Variants in APIP observed in about 807,000 individuals in gnomAD.
APIP encodes the protein methylthioribulose-1-phosphate dehydratase.
APIP carries 32 observed loss-of-function variants against 32.0 expected under a neutral mutation model. That is an observed-to-expected ratio of 1.00 (90% CI 0.76 to 1.34). The LOEUF (loss-of-function observed/expected upper bound fraction) is 1.34, where lower values mean the gene tolerates loss of function less well. APIP is among the 40% of genes most tolerant of loss of function. APIP has a pLI of 0.00. For synonymous variants in APIP, 92 were observed against 94.8 expected (o/e 0.97, Z 0.17); for missense variants, 247 against 298.6 (o/e 0.83, Z 1.27).
intron 5 of APIP, among the ~76,000 whole-genome samples, chr11:34,886,861 G>C (rs1401847912): frequency 1.3e-5 from 2 of 152,116 alleles, no homozygotes; most frequent in South Asian, 2.1e-4. Flanking sequence ...ATTTAGGTTT[G>C]TGTATGCACT....
chr11:34,889,407 C>CA (rs1372107813), intron 3 of APIP, among the ~76,000 whole-genome samples: 1 of 151,780 alleles, frequency 6.6e-6, no homozygotes, highest in African/African-American at 2.4e-5. Context: ...AGATGGTACT[C>CA]AGAAAGGTTA....
chr11:34,896,668 C>G (rs1202626100), intron 1 of APIP: 1 of 797,940 alleles, frequency 1.3e-6, no homozygotes, highest in Non-Finnish European at 1.8e-6. Flanking sequence ...ACGTGTATAC[C>G]TAAGTAACAA....
chr11:34,885,959 A>G (rs762703932), intron 5 of APIP, among the ~76,000 whole-genome samples: 58 of 152,192 alleles, frequency 3.8e-4, no homozygotes, highest in Non-Finnish European at 1.9e-4. Context: ...TAGCTGTATA[A>G]AAGTACAGCA....
chr11:34,913,421 CCTT>C (rs2133926272), intron 1 of APIP, among the ~76,000 whole-genome samples: 1 of 152,134 alleles, frequency 6.6e-6, no homozygotes, highest in East Asian at 1.9e-4. Flanking sequence ...AGAGTTTCTT[CCTT>C]CTGGTGGGTT....
rs918083677 is a variant in APIP, at chr11:34,882,559, C to T, written c.*158G>A. On this transcript the variant is annotated 3_prime_UTR_variant, in exon 7 of 7. Transcript: ENST00000395787. ...AAATTATAAGAATATAAGCAAATAA[C>T]ATCCAATGTCAGAAGAGATTCAGGG... The T allele has an allele frequency of 2.1e-6, 1 of 475,248 alleles. No homozygotes were observed. Among genetic ancestry groups the T allele is most frequent in the African/African-American group, 2.0e-5 (1 of 49,458 alleles). 29.4% of individuals were successfully genotyped at this position (475,248 alleles called of 1,614,324 possible). A position where few individuals can be genotyped will look rare whatever the true frequency, so the allele number is the denominator to read the frequency against.
chr11:34,900,416 G>C (rs765264919), intron 1 of APIP, among the ~76,000 whole-genome samples: 3 of 152,056 alleles, frequency 2.0e-5, no homozygotes, highest in Non-Finnish European at 4.4e-5. Context: ...GGAAGTGCTT[G>C]ATGGGAATGG....
Position 34,888,296 on chromosome 11 carries a change from T to C in APIP, c.458A>G (p.Tyr153Cys), listed in dbSNP as rs769133328. 4.4e-6 allele frequency: 7 copies of C among 1,588,984 alleles called. No individual in the cohort carries two copies. Among genetic ancestry groups the C allele is most frequent in the Admixed American group, 1.9e-5 (1 of 53,556 alleles). The change falls in exon 5 of 7, where the codon TAT becomes TGT. Residue 153 changes from tyrosine (Y) to cysteine (C), a missense_variant. Tyr to Cys is a radical substitution (Grantham distance 194). Coordinates refer to ENST00000395787, the MANE Select transcript of APIP (RefSeq NM_015957.4). The stretch of plus-strand genomic sequence containing the variant: ...AAGAAAAAGGAAAAAAAAATACCTA[T>C]AATACCCTCCGGAAGTACATTTCTT... ...GIKKCTSGGY[Y>C]RYDDMLVVPI...
At position 34,888,754 on chromosome 11, in the gene APIP, C is replaced by T. The variant is rs553220215; in HGVS notation, c.323G>A (p.Arg108Lys). Residue 108 changes from arginine (R) to lysine (K), a missense_variant and splice_region_variant, in exon 4 of 7, where the codon AGA (arginine) becomes AAA (lysine). Arg to Lys is a conservative substitution (Grantham distance 26). Coordinates refer to ENST00000395787, the MANE Select transcript of APIP (RefSeq NM_015957.4). Reference sequence around the variant, plus strand: ...TGTTGAATATATTTTCTGCATACCTCTCATTGTGTAAGCATTCATGAAAAG... The same window carrying T: ...TGTTGAATATATTTTCTGCATACCTTTCATTGTGTAAGCATTCATGAAAAG... ...TPLFMNAYTM[R>K]GAGAVIHTHS... 6 of 1,524,730 alleles carry T rather than the reference C, an allele frequency of 3.9e-6. No homozygotes were observed. The African/African-American group carries it at 4.3e-5, about 11-fold the overall frequency. The allele number at this position is 1,524,730 out of a possible 1,614,324, so 94.5% of individuals were successfully genotyped here. A position where few individuals can be genotyped will look rare whatever the true frequency, so the allele number is the denominator to read the frequency against.
chr11:34,891,433 G>A (rs906341057), intron 2 of APIP, among the ~76,000 whole-genome samples: 2 of 152,080 alleles, frequency 1.3e-5, no homozygotes, highest in African/African-American at 4.8e-5. Context: ...ATGAGCTACT[G>A]CATATATGCA....
chr11:34,893,611 G>A (rs1853214918), intron 2 of APIP, among the ~76,000 whole-genome samples: 1 of 152,160 alleles, frequency 6.6e-6, no homozygotes, highest in Admixed American at 6.5e-5. Flanking sequence ...TAAGAGAGGA[G>A]GCACAGATGG....
intron 1 of APIP, among the ~76,000 whole-genome samples, chr11:34,909,853 T>G (rs1439527569): frequency 3.3e-5 from 5 of 152,146 alleles, no homozygotes; most frequent in African/African-American, 1.2e-4. Context: ...CTGGGCTTCT[T>G]GCCTTTCATG....
chr11:34,891,105 A>G (rs561285572), intron 2 of APIP, among the ~76,000 whole-genome samples: 2 of 152,274 alleles, frequency 1.3e-5, no homozygotes, highest in South Asian at 4.1e-4. Context: ...CATGCTTCCC[A>G]TTTGAAAAGC....
chr11:34,888,724 C>T (rs749849808), intron 4 of APIP, 28 bp downstream of exon 4: 1 of 1,452,782 alleles, frequency 6.9e-7, no homozygotes, highest in African/African-American at 1.5e-5. Context: ...TGCAAATATT[C>T]TTTATGTTGA....
chr11:34,883,298 G>A (rs1429053565), intron 6 of APIP, 39 bp downstream of exon 6: 8 of 1,546,514 alleles, frequency 5.2e-6, no homozygotes, highest in Non-Finnish European at 7.0e-6. Context: ...CATTTAGCGG[G>A]TGGTAACTTG....
rs759877175 is a variant in APIP, at chr11:34,883,386, G to A, written c.580C>T (p.Arg194Cys). Residue 194 changes from arginine to cysteine, a missense_variant, in exon 6 of 7, where the codon CGT becomes TGT. Arg to Cys is a radical substitution (Grantham distance 180). Coordinates refer to ENST00000395787, the MANE Select transcript of APIP (RefSeq NM_015957.4). ...YPDSCAVLVR[R>C]HGVYVWGETW... ...TCCCCCCACACATATACTCCATGAC[G>A]TCTGACCAGTACTGCACAGGAGTCT... is the stretch of plus-strand genomic sequence containing the variant. The A allele has an allele frequency of 1.5e-5, 24 of 1,613,322 alleles. No homozygotes were observed. Among genetic ancestry groups the A allele is most frequent in the South Asian group, 2.2e-5 (2 of 91,032 alleles).
intron 1 of APIP, among the ~76,000 whole-genome samples, chr11:34,903,674 A>C (rs1244614586): frequency 6.6e-6 from 1 of 152,218 alleles, no homozygotes; most frequent in Admixed American, 6.5e-5. Context: ...CAGGCAGCTA[A>C]ATCAGTGGCA....
At chr11:34,902,234 T>C (rs1031518017) in intron 1 of APIP, among the ~76,000 whole-genome samples, 1 of 152,234 alleles carries the variant, frequency 6.6e-6, no homozygotes, top group South Asian at 2.1e-4. Context: ...CCAGTTAACA[T>C]GGACGGTGCT....
intron 1 of APIP, among the ~76,000 whole-genome samples, chr11:34,906,521 A>C (rs967368804): frequency 2.6e-5 from 4 of 152,184 alleles, no homozygotes; most frequent in African/African-American, 9.6e-5. Context: ...AGTACTTACT[A>C]TTTCTATTAT....
intron 1 of APIP, among the ~76,000 whole-genome samples, chr11:34,901,638 A>G (rs968875548): frequency 2.0e-5 from 3 of 152,186 alleles, no homozygotes; most frequent in Admixed American, 6.5e-5. Context: ...GGGGGGACCT[A>G]CTATTTACAC....
Sources: gnomAD v4.1 joint callset for allele counts (sites outside exome capture counted in the v4.1 genomes callset) on GRCh38, gnomAD v4.1.1 for gene constraint, MANE v1.5 for transcripts, NCBI Gene and HGNC (gene_info 2026-07-23, HGNC 2026-07-21) for gene names.